The following SCFD2 variants were observed in gnomAD, a reference collection of about 807,000 sequenced individuals.
SCFD2 encodes sec1 family domain-containing protein 2.
A neutral mutation model predicts 58.9 loss-of-function variants in SCFD2; 54 were observed. The ratio of observed to expected loss-of-function variants is 0.92; its 90% CI spans 0.74 to 1.15. SCFD2 has a LOEUF of 1.15. Ranked by LOEUF, SCFD2 falls within the 50% of genes most tolerant of loss-of-function variation. The probability of loss-of-function intolerance (pLI) is 0.00; values close to 1 mark genes in which losing one functional copy is unlikely to be tolerated. For synonymous variants in SCFD2, 321 were observed against 335.9 expected, an observed-to-expected ratio of 0.96 and a Z score of 0.49; for missense variants, 805 against 836.6, an observed-to-expected ratio of 0.96 and a Z score of 0.47.
chr4:53,295,357 T>A (rs1169471622), intron 3 of SCFD2, among the ~76,000 whole-genome samples: 1 of 152,174 alleles, frequency 6.6e-6, no homozygotes, highest in Non-Finnish European at 1.5e-5. Context: ...GTCCTTCAAA[T>A]CCCTTGCAAG....
At chr4:53,217,222 A>T (rs1041833006) in intron 4 of SCFD2, among the ~76,000 whole-genome samples, 1 of 152,036 alleles carries the variant, frequency 6.6e-6, no homozygotes, top group Non-Finnish European at 1.5e-5. Flanking sequence ...TGTCTCGTTG[A>T]TCTGTCTAAT....
chr4:53,026,368 G>A (rs1323915082), intron 5 of SCFD2, among the ~76,000 whole-genome samples: 5 of 152,154 alleles, frequency 3.3e-5, no homozygotes, highest in Admixed American at 2.6e-4. Flanking sequence ...TGCTTCCGAC[G>A]CCTAGCACAA....
chr4:53,298,020 G>A (rs765738278), intron 3 of SCFD2, among the ~76,000 whole-genome samples: 30 of 152,260 alleles, frequency 2.0e-4, no homozygotes, highest in South Asian at 1.0e-3. Context: ...CAGCATGAAC[G>A]ACACAGAAGA....
intron 2 of SCFD2, among the ~76,000 whole-genome samples, chr4:53,342,957 CA>C (rs1483079794): frequency 2.6e-5 from 4 of 152,174 alleles, no homozygotes; most frequent in African/African-American, 9.7e-5. Context: ...ACATTTAAAC[CA>C]GTATGTAGAG....
At chr4:52,960,933 C>T (rs893300964) in intron 5 of SCFD2, among the ~76,000 whole-genome samples, 4 of 152,112 alleles carry the variant, frequency 2.6e-5, no homozygotes, top group Non-Finnish European at 4.4e-5. Context: ...AAGTGAGTAT[C>T]GTAGGAGTTC....
At chr4:53,349,066 G>A (rs1309069292) in intron 2 of SCFD2, among the ~76,000 whole-genome samples, 1 of 152,140 alleles carries the variant, frequency 6.6e-6, no homozygotes, top group Non-Finnish European at 1.5e-5. Flanking sequence ...CTAATGAGAA[G>A]AAAAGGACAG....
intron 5 of SCFD2, among the ~76,000 whole-genome samples, chr4:53,016,310 G>C (rs1722212982): frequency 6.6e-6 from 1 of 152,130 alleles, no homozygotes; most frequent in Non-Finnish European, 1.5e-5. Context: ...GAACTAGCCA[G>C]TAATCTCATG....
intron 5 of SCFD2, among the ~76,000 whole-genome samples, chr4:53,062,391 C>T (rs62338966): frequency 1.3e-5 from 2 of 149,856 alleles, no homozygotes. Context: ...CGTACAATAA[C>T]AATAATAATA....
At chr4:53,258,550 A>G (rs1349830716) in intron 4 of SCFD2, among the ~76,000 whole-genome samples, 2,589 of 33,994 alleles carry the variant, frequency 0.076, 126 homozygotes, top group African/African-American at 0.16. Context: ...ATATATATAT[A>G]TATATATATA....
At chr4:53,033,693 C>A (rs1228025275) in intron 5 of SCFD2, among the ~76,000 whole-genome samples, 1 of 152,180 alleles carries the variant, frequency 6.6e-6, no homozygotes, top group Admixed American at 6.6e-5. Flanking sequence ...ATAAACACTT[C>A]TATGCAAATA....
At chr4:53,244,831 A>T (rs906875646) in intron 4 of SCFD2, among the ~76,000 whole-genome samples, 5 of 140,000 alleles carry the variant, frequency 3.6e-5, no homozygotes, top group African/African-American at 1.1e-4. Context: ...AAAAAAAAAA[A>T]TAATAATAAT....
At chr4:52,880,445 G>A (rs896063365) in intron 8 of SCFD2, among the ~76,000 whole-genome samples, 10 of 151,454 alleles carry the variant, frequency 6.6e-5, no homozygotes, top group Non-Finnish European at 1.3e-4. Context: ...GTAAAACCCC[G>A]TCTCTACTAA....
chr4:53,045,869 T>G (rs942155365), intron 5 of SCFD2, among the ~76,000 whole-genome samples: 5 of 152,154 alleles, frequency 3.3e-5, no homozygotes, highest in Non-Finnish European at 7.3e-5. Context: ...ATACGCTAAT[T>G]ATCTCATAGT....
At chr4:53,061,302 T>C (rs577144789) in intron 5 of SCFD2, among the ~76,000 whole-genome samples, 1 of 152,288 alleles carries the variant, frequency 6.6e-6, no homozygotes, top group South Asian at 2.1e-4. Flanking sequence ...TGCTTTCCAC[T>C]GGCTCTTCTC....
At chr4:52,900,144 T>C (rs189812366) in intron 7 of SCFD2, among the ~76,000 whole-genome samples, 218 of 152,336 alleles carry the variant, frequency 1.4e-3, no homozygotes, top group African/African-American at 5.0e-3. Context: ...CCTTCCTCTC[T>C]CAACTCGTCA....
intron 4 of SCFD2, among the ~76,000 whole-genome samples, chr4:53,254,202 C>G (rs986989288): frequency 6.6e-6 from 1 of 152,112 alleles, no homozygotes; most frequent in African/African-American, 2.4e-5. Context: ...CACCTTGAAT[C>G]GTAATCCCCA....
intron 5 of SCFD2, among the ~76,000 whole-genome samples, chr4:52,969,035 T>C (rs1026006647): frequency 1.3e-5 from 2 of 152,198 alleles, no homozygotes; most frequent in African/African-American, 4.8e-5. Flanking sequence ...TTTCTCACCC[T>C]CCACCATTCC....
At chr4:53,272,920 C>T (rs1001937374) in intron 4 of SCFD2, among the ~76,000 whole-genome samples, 2 of 151,854 alleles carry the variant, frequency 1.3e-5, no homozygotes, top group African/African-American at 4.8e-5. Flanking sequence ...TATAATATCA[C>T]TTATGTAAAA....
intron 5 of SCFD2, among the ~76,000 whole-genome samples, chr4:53,081,962 C>A (rs76281695): frequency 6.6e-6 from 1 of 152,038 alleles, no homozygotes. Context: ...CAATAAGTGG[C>A]CTTTTATGTG....
Sources: gnomAD v4.1 joint callset for allele counts (sites outside exome capture counted in the v4.1 genomes callset) on GRCh38, gnomAD v4.1.1 for gene constraint, MANE v1.5 for transcripts, NCBI Gene and HGNC (gene_info 2026-07-23, HGNC 2026-07-21) for gene names.